Variants in MYT1L observed in about 807,000 individuals in gnomAD.
MYT1L encodes myelin transcription factor 1-like protein.
MYT1L carries 12 observed loss-of-function variants against 126.7 expected under a neutral mutation model. The observed-to-expected ratio is 0.09, with a 90% confidence interval of 0.06 to 0.15. The LOEUF (loss-of-function observed/expected upper bound fraction) is 0.15. Among genes scored for constraint, MYT1L ranks in the 10% least tolerant of loss-of-function variants. The pLI, the probability that MYT1L is intolerant of heterozygous loss-of-function variation, is 1.00. For synonymous variants in MYT1L, 541 were observed against 604.2 expected (o/e 0.90, Z 1.53); for missense variants, 979 against 1,585.2 (o/e 0.62, Z 6.49).
At chr2:2,136,970 T>C (rs1028893550) in intron 3 of MYT1L, among the ~76,000 whole-genome samples, 3 of 152,324 alleles carry the variant, frequency 2.0e-5, no homozygotes, top group Admixed American at 6.5e-5. Context: ...CTCCTTAAGC[T>C]GATAAGAAAC....
At chr2:2,207,337 A>G (rs1445081775) in intron 2 of MYT1L, among the ~76,000 whole-genome samples, 1 of 152,086 alleles carries the variant, frequency 6.6e-6, no homozygotes, top group Non-Finnish European at 1.5e-5. Flanking sequence ...AACCCAACAC[A>G]CTGATTAGAA....
At chr2:2,085,460 T>G (rs530001035) in intron 3 of MYT1L, among the ~76,000 whole-genome samples, 1 of 152,154 alleles carries the variant, frequency 6.6e-6, no homozygotes, top group Non-Finnish European at 1.5e-5. Flanking sequence ...CCCTTCTACA[T>G]TAAGTCTATG....
intron 3 of MYT1L, among the ~76,000 whole-genome samples, chr2:2,091,418 T>C (rs1158025470): frequency 2.0e-5 from 3 of 152,210 alleles, no homozygotes; most frequent in Non-Finnish European, 4.4e-5. Context: ...TTGAAGTATT[T>C]AGTAAACCAT....
intron 4 of MYT1L, among the ~76,000 whole-genome samples, chr2:2,042,149 C>A (rs1489346735): frequency 1.3e-5 from 2 of 152,182 alleles, no homozygotes; most frequent in African/African-American, 4.8e-5. Flanking sequence ...TGAGGATGAA[C>A]CCCAGATGCT....
chr2:1,962,774 G>A (rs2149393575), intron 8 of MYT1L, among the ~76,000 whole-genome samples: 1 of 152,258 alleles, frequency 6.6e-6, no homozygotes, highest in African/African-American at 2.4e-5. Context: ...GAAACCACCT[G>A]CTTTGCTCAG....
intron 5 of MYT1L, among the ~76,000 whole-genome samples, chr2:1,990,549 T>A (rs983179560): frequency 1.3e-5 from 2 of 152,074 alleles, no homozygotes; most frequent in Non-Finnish European, 2.9e-5. Flanking sequence ...GAGCTCAACC[T>A]CCCAGGGTCA....
intron 2 of MYT1L, among the ~76,000 whole-genome samples, chr2:2,230,932 C>T (rs1238234239): frequency 6.6e-6 from 1 of 152,150 alleles, no homozygotes. Context: ...TTCCATGGAG[C>T]ACTACTGTGA....
At chr2:2,117,429 G>A (rs1010091638) in intron 3 of MYT1L, among the ~76,000 whole-genome samples, 8 of 152,166 alleles carry the variant, frequency 5.3e-5, no homozygotes, top group African/African-American at 1.7e-4. Flanking sequence ...GAATCACCGG[G>A]ACTTCAGTGG....
At chr2:2,180,691 T>C (rs992749155) in intron 2 of MYT1L, among the ~76,000 whole-genome samples, 33 of 151,894 alleles carry the variant, frequency 2.2e-4, no homozygotes, top group African/African-American at 8.0e-4. Flanking sequence ...TTTTTGTATG[T>C]ACCTGTATGT....
chr2:2,027,321 T>G (rs2065748212), intron 4 of MYT1L, among the ~76,000 whole-genome samples: 1 of 152,186 alleles, frequency 6.6e-6, no homozygotes, highest in African/African-American at 2.4e-5. Context: ...TGGAGCACCC[T>G]ACTCTGTGTT....
chr2:1,987,434 T>G (rs777971773), intron 5 of MYT1L, among the ~76,000 whole-genome samples: 1 of 152,024 alleles, frequency 6.6e-6, no homozygotes, highest in East Asian at 1.9e-4. Flanking sequence ...AGCGTTTCCA[T>G]GGGAGGGGCA....
chr2:1,882,691 T>C (rs2047719893), intron 18 of MYT1L, among the ~76,000 whole-genome samples: 1 of 152,076 alleles, frequency 6.6e-6, no homozygotes, highest in African/African-American at 2.4e-5. Context: ...TGGTGAGCAG[T>C]CAAAGCGGAT....
intron 18 of MYT1L, among the ~76,000 whole-genome samples, chr2:1,883,278 A>G (rs1314599629): frequency 6.6e-6 from 1 of 152,216 alleles, no homozygotes; most frequent in African/African-American, 2.4e-5. Flanking sequence ...GATCGAAATG[A>G]GTTTGTATTT....
At chr2:2,254,310 A>G (rs538390905) in intron 2 of MYT1L, among the ~76,000 whole-genome samples, 3 of 152,334 alleles carry the variant, frequency 2.0e-5, no homozygotes, top group South Asian at 2.1e-4. Flanking sequence ...CGGGATTTAG[A>G]GTCGAACTCC....
In MYT1L at chr2:1,934,060, C is replaced by T. The variant is rs55861087; in HGVS notation, c.505+8922G>A. Among the ~76,000 whole-genome samples, 799 of 149,102 alleles carry T rather than the reference C, an allele frequency of 5.4e-3. 6 individuals carry two copies. Among genetic ancestry groups the T allele is most frequent in the Non-Finnish European group, 8.5e-3 (572 of 67,448 alleles). On this transcript the variant is annotated intron_variant, in intron 9 of 24. Coordinates refer to ENST00000647738, the MANE Select transcript of MYT1L (RefSeq NM_001303052.2). ...TGCGATCTCGGCTCACTGCAAGCTC[C>T]GCCTCCCAGGTTCACGCCATGCTCC...
chr2:1,860,672 A>G (rs1235084812), intron 18 of MYT1L, among the ~76,000 whole-genome samples: 1 of 152,172 alleles, frequency 6.6e-6, no homozygotes, highest in Non-Finnish European at 1.5e-5. Context: ...AAGACTGAGC[A>G]TCTCTACCTT....
Position 1,979,409 on chromosome 2 carries a change from G to A in MYT1L, c.89+112C>T. ...TCTCGGGGGAATTAATTTCATCAGT[G>A]CAGCAGGGCGTGAGCAAGCTGCCGA... On this transcript the variant is annotated intron_variant, in intron 7 of 24. Coordinates refer to ENST00000647738, the MANE Select transcript of MYT1L (RefSeq NM_001303052.2). The surrounding 1 kb of genome is among the most constrained non-coding windows in gnomAD (Gnocchi z 4.0). 2 of 1,182,616 alleles carry A rather than the reference G, an allele frequency of 1.7e-6. No homozygotes were observed. Among genetic ancestry groups the A allele is most frequent in the South Asian group, 1.2e-5 (1 of 81,572 alleles). The allele number at this position is 1,182,616 out of a possible 1,614,324, so 73.3% of individuals were successfully genotyped here.
intron 2 of MYT1L, among the ~76,000 whole-genome samples, chr2:2,174,225 T>C (rs546386979): frequency 6.6e-6 from 1 of 152,326 alleles, no homozygotes; most frequent in African/African-American, 2.4e-5. Flanking sequence ...AATATACACT[T>C]AGCTTTTAAT....
At chr2:2,144,323 A>T (rs1322584979) in intron 3 of MYT1L, among the ~76,000 whole-genome samples, 1 of 152,080 alleles carries the variant, frequency 6.6e-6, no homozygotes, top group Admixed American at 6.5e-5. Context: ...GAAGCTGCTG[A>T]TGGAGGTCAC....
Sources: gnomAD v4.1 joint callset for allele counts (sites outside exome capture counted in the v4.1 genomes callset) on GRCh38, gnomAD v4.1.1 for gene constraint, Gnocchi (gnomAD v3.1) non-coding constraint, MANE v1.5 for transcripts, NCBI Gene and HGNC (gene_info 2026-07-23, HGNC 2026-07-21) for gene names.